FRMD4A: variants seen among roughly 807,000 people sequenced by gnomAD.
FRMD4A encodes FERM domain-containing protein 4A.
Under a neutral mutation model 129.1 loss-of-function variants are expected in FRMD4A, and 29 were observed. The ratio of observed to expected loss-of-function variants is 0.22; its 90% CI spans 0.17 to 0.31. The LOEUF is 0.31. Among genes scored for constraint, FRMD4A ranks in the 10% least tolerant of loss-of-function variants. FRMD4A has a pLI of 1.00. For missense variants in FRMD4A, 1,272 were observed against 1,375.8 expected, an observed-to-expected ratio of 0.92 and a Z score of 1.19; for synonymous variants, 634 against 571.6, an observed-to-expected ratio of 1.11 and a Z score of -1.56.
chr10:14,071,563 G>T (rs183485985), intron 2 of FRMD4A, among the ~76,000 whole-genome samples: 4 of 152,290 alleles, frequency 2.6e-5, no homozygotes, highest in East Asian at 3.9e-4. Flanking sequence ...AAGAAAAAAA[G>T]ACCTACTTTA....
intron 2 of FRMD4A, among the ~76,000 whole-genome samples, chr10:14,320,421 A>T: frequency 6.6e-6 from 1 of 151,918 alleles, no homozygotes; most frequent in South Asian, 2.1e-4. Context: ...TTTCCTCCTG[A>T]ATTTCCTGAT....
At chr10:14,201,766 CTT>C (rs1393816739) in intron 2 of FRMD4A, among the ~76,000 whole-genome samples, 1 of 152,268 alleles carries the variant, frequency 6.6e-6, no homozygotes, top group Admixed American at 6.5e-5. Context: ...TAGCAAATGA[CTT>C]TATTGTGGGG....
intron 2 of FRMD4A, among the ~76,000 whole-genome samples, chr10:13,932,144 T>C (rs2095205264): frequency 6.6e-6 from 1 of 152,236 alleles, no homozygotes. Flanking sequence ...CCAGACCCAT[T>C]GACCAAGTCT....
chr10:14,024,450 G>A (rs774332171), intron 2 of FRMD4A, among the ~76,000 whole-genome samples: 1 of 152,174 alleles, frequency 6.6e-6, no homozygotes, highest in African/African-American at 2.4e-5. Context: ...CTCAGTCCCC[G>A]CTGACAGATC....
chr10:14,281,568 G>A (rs1156305818), intron 2 of FRMD4A, among the ~76,000 whole-genome samples: 2 of 152,170 alleles, frequency 1.3e-5, no homozygotes, highest in African/African-American at 4.8e-5. Flanking sequence ...TAACACAACT[G>A]TGGTAAAAGA....
intron 2 of FRMD4A, among the ~76,000 whole-genome samples, chr10:14,171,863 C>T (rs1352406385): frequency 6.6e-6 from 1 of 152,218 alleles, no homozygotes; most frequent in African/African-American, 2.4e-5. Flanking sequence ...GCTAAATCCT[C>T]ACCAAAGGGA....
intron 2 of FRMD4A, among the ~76,000 whole-genome samples, chr10:14,177,099 T>C (rs1292645900): frequency 6.6e-6 from 1 of 152,240 alleles, no homozygotes; most frequent in Non-Finnish European, 1.5e-5. Flanking sequence ...TCATGACATG[T>C]AAAGGTTCAT....
chr10:13,691,762 T>C (rs1012525759), intron 15 of FRMD4A, among the ~76,000 whole-genome samples: 2 of 152,170 alleles, frequency 1.3e-5, no homozygotes, highest in Admixed American at 1.3e-4. Flanking sequence ...GGTGGGCTGA[T>C]AGATGCAGCC....
chr10:14,212,433 T>C (rs1034007238), intron 2 of FRMD4A, among the ~76,000 whole-genome samples: 1 of 152,146 alleles, frequency 6.6e-6, no homozygotes, highest in Non-Finnish European at 1.5e-5. Context: ...TGTGAGCTCC[T>C]AGCATCCAGG....
At chr10:14,025,613 C>T (rs1282138402) in intron 2 of FRMD4A, among the ~76,000 whole-genome samples, 2 of 152,182 alleles carry the variant, frequency 1.3e-5, no homozygotes, top group Admixed American at 1.3e-4. Context: ...GTCACTATTA[C>T]ACCACCATCC....
intron 12 of FRMD4A, among the ~76,000 whole-genome samples, chr10:13,713,861 T>TATATA (rs1554858569): frequency 5.2e-5 from 1 of 19,080 alleles, no homozygotes; most frequent in Non-Finnish European, 7.4e-5. Context: ...ATATATATAA[T>TATATA]ATATATACAT....
intron 2 of FRMD4A, among the ~76,000 whole-genome samples, chr10:14,120,775 C>A (rs1246857079): frequency 6.6e-6 from 1 of 152,096 alleles, no homozygotes; most frequent in African/African-American, 2.4e-5. Flanking sequence ...GACATGCAGA[C>A]ACTGAGACCC....
chr10:13,684,150 C>T (rs923245984), intron 15 of FRMD4A: 3 of 172,206 alleles, frequency 1.7e-5, no homozygotes, highest in Non-Finnish European at 3.5e-5. Flanking sequence ...TTGAATGATA[C>T]TAAAGATAGA....
At chr10:13,683,460 G>A (rs1258331055) in intron 15 of FRMD4A, among the ~76,000 whole-genome samples, 2 of 151,910 alleles carry the variant, frequency 1.3e-5, no homozygotes, top group Admixed American at 6.6e-5. Flanking sequence ...AGTTGGATGT[G>A]GTGGTAAACG....
chr10:13,875,583 C>T (rs2094480767), intron 2 of FRMD4A, among the ~76,000 whole-genome samples: 1 of 152,144 alleles, frequency 6.6e-6, no homozygotes, highest in South Asian at 2.1e-4. Context: ...TTAAGAGGTG[C>T]CCTGCATTCT....
chr10:14,119,793 C>G (rs953186861), intron 2 of FRMD4A, among the ~76,000 whole-genome samples: 5 of 152,208 alleles, frequency 3.3e-5, no homozygotes, highest in African/African-American at 1.2e-4. Context: ...TGATTTCCAG[C>G]TTCTCAGAAA....
chr10:13,686,494 G>A (rs2085098411), intron 15 of FRMD4A, among the ~76,000 whole-genome samples: 3 of 152,250 alleles, frequency 2.0e-5, no homozygotes, highest in Admixed American at 6.5e-5. Context: ...GAGAATGGGA[G>A]TGTGTCAACA....
intron 2 of FRMD4A, among the ~76,000 whole-genome samples, chr10:13,862,215 A>T (rs904819415): frequency 6.6e-6 from 1 of 152,262 alleles, no homozygotes; most frequent in African/African-American, 2.4e-5. Flanking sequence ...TCGTTTTATC[A>T]TAAAAGGTTA....
intron 9 of FRMD4A, among the ~76,000 whole-genome samples, chr10:13,744,028 G>A (rs532553410): frequency 2.0e-5 from 3 of 152,264 alleles, no homozygotes; most frequent in African/African-American, 4.8e-5. Context: ...TGCCCAGGTC[G>A]CTGGCTGGGT....
Sources: gnomAD v4.1 joint callset for allele counts (sites outside exome capture counted in the v4.1 genomes callset) on GRCh38, gnomAD v4.1.1 for gene constraint, MANE v1.5 for transcripts, NCBI Gene and HGNC (gene_info 2026-07-23, HGNC 2026-07-21) for gene names.